Variants in CXADR observed in about 807,000 individuals in gnomAD.
CXADR encodes coxsackievirus and adenovirus receptor.
Under a neutral mutation model 40.3 loss-of-function variants are expected in CXADR, and 20 were observed. That is an observed-to-expected ratio of 0.50 (90% CI 0.35 to 0.72). The LOEUF (loss-of-function observed/expected upper bound fraction) is 0.72, where lower values mean the gene tolerates loss of function less well. CXADR is among the 30% of genes least tolerant of loss of function. CXADR has a pLI of 0.01. For synonymous variants in CXADR, 150 were observed against 161.3 expected (o/e 0.93, Z 0.53); for missense variants, 332 against 449.1 (o/e 0.74, Z 2.36).
downstream of CXADR, among the ~76,000 whole-genome samples, chr21:17,572,384 G>GA (rs71333563): frequency 2.4e-3 from 361 of 149,660 alleles, 2 homozygotes; most frequent in African/African-American, 5.8e-3. Context: ...AAAAAAAAAA[G>GA]GGGCAGTATC....
intron 1 of CXADR, among the ~76,000 whole-genome samples, chr21:17,534,019 T>TATATATAGCTATAGATATATATATACAC (rs1356079376): frequency 1.2e-5 from 1 of 81,400 alleles, no homozygotes; most frequent in Admixed American, 1.9e-4. Flanking sequence ...TATATATATA[T>TATATATAGCTATAGATATATATATACAC]ATATATATAG....
chr21:17,521,178 A>C (rs762013371), intron 1 of CXADR, among the ~76,000 whole-genome samples: 2 of 152,196 alleles, frequency 1.3e-5, no homozygotes, highest in Non-Finnish European at 2.9e-5. Flanking sequence ...TAGGGGATAT[A>C]GGAGACCTAG....
the CXADR span, among the ~76,000 whole-genome samples, chr21:17,626,682 C>T: frequency 8.5e-5 from 13 of 152,152 alleles, no homozygotes; most frequent in African/African-American, 1.7e-4. Flanking sequence ...AGACAATCAG[C>T]GCACTTGAGT....
Position 17,518,839 on chromosome 21 carries a change from C to T in CXADR, c.43+5667C>T, listed in dbSNP as rs959222992. On this transcript the variant is annotated intron_variant, in intron 1 of 6. Coordinates refer to ENST00000284878, the MANE Select transcript of CXADR (RefSeq NM_001338.5). ...TTTAATCATGTTCATCTCTTCAATACCAACTATATTATTCACAGCCAGTTT... is the reference window on the plus strand; with the variant it reads ...TTTAATCATGTTCATCTCTTCAATATCAACTATATTATTCACAGCCAGTTT... 6 of 1,561,482 alleles carry T rather than the reference C, an allele frequency of 3.8e-6. No homozygotes were observed. The African/African-American group carries it at 8.1e-5, about 21-fold the overall frequency.
intron 7 of CXADR, among the ~76,000 whole-genome samples, chr21:17,586,023 G>T (rs1397236292): frequency 6.6e-6 from 1 of 152,086 alleles, no homozygotes; most frequent in Non-Finnish European, 1.5e-5. Flanking sequence ...TATTCTTTGC[G>T]AATATAGTAT....
At chr21:17,515,638 C>G (rs1349448250) in intron 1 of CXADR, among the ~76,000 whole-genome samples, 2 of 152,000 alleles carry the variant, frequency 1.3e-5, no homozygotes, top group Admixed American at 1.3e-4. Flanking sequence ...GGTGAAACCC[C>G]GTCCCTACTA....
chr21:17,513,059 G>A lies in CXADR; in HGVS notation c.-71G>A, dbSNP rs932293894. 3.1e-6 allele frequency: 4 copies of A among 1,298,858 alleles called. No individual in the cohort carries two copies. Among genetic ancestry groups the A allele is most frequent in the Non-Finnish European group, 3.9e-6 (4 of 1,013,642 alleles). 80.5% of individuals were successfully genotyped at this position (1,298,858 alleles called of 1,614,324 possible). ...CCGCGAGCCAGTCGGGAGCGCGCGA[G>A]GCGCGGGGAGCCTGGGACCAGGAGC... On this transcript the variant is annotated 5_prime_UTR_variant, in exon 1 of 7. Coordinates refer to ENST00000284878, the MANE Select transcript of CXADR (RefSeq NM_001338.5).
At chr21:17,527,974 T>A (rs1360207358) in intron 1 of CXADR, among the ~76,000 whole-genome samples, 2 of 151,672 alleles carry the variant, frequency 1.3e-5, no homozygotes, top group Admixed American at 1.3e-4. Flanking sequence ...TTTTCTAACA[T>A]CCTTACACCA....
the CXADR span, among the ~76,000 whole-genome samples, chr21:17,628,426 A>G: frequency 2.0e-5 from 3 of 152,102 alleles, no homozygotes; most frequent in Non-Finnish European, 2.9e-5. Context: ...TTCCAGTCCC[A>G]TTGCCGGCGG....
chr21:17,593,309 A>AC, exon 8 of CXADR: 1 of 939,974 alleles, frequency 1.1e-6, no homozygotes, highest in Non-Finnish European at 1.4e-6. Flanking sequence ...GAGCAGCTGT[A>AC]AGAACACATC....
rs369513554 is a variant in CXADR, at chr21:17,554,116, C to T, written c.415+2163C>T. Among the ~76,000 whole-genome samples the T allele has an allele frequency of 2.5e-4, 38 of 152,330 alleles. No individual in the cohort carries two copies. The East Asian group carries it at 5.4e-3, about 22-fold the overall frequency. ...AAACCCCTGTTTGATGGGACAGTTA[C>T]ACTGGGATTAATGGGGTTGGCACAT... On this transcript the variant is annotated intron_variant, in intron 3 of 6. Coordinates refer to ENST00000284878, the MANE Select transcript of CXADR (RefSeq NM_001338.5).
chr21:17,572,705 CGTT>C (rs1365993171), downstream of CXADR, among the ~76,000 whole-genome samples: 4 of 151,808 alleles, frequency 2.6e-5, no homozygotes, highest in East Asian at 1.9e-4. Context: ...CACTAACTAA[CGTT>C]GTTTTTTTTC....
At chr21:17,556,093 G>T (rs1458650806) in intron 3 of CXADR, among the ~76,000 whole-genome samples, 2 of 152,228 alleles carry the variant, frequency 1.3e-5, no homozygotes, top group African/African-American at 4.8e-5. Context: ...AAGGACTGTT[G>T]TTTGTGTTAG....
chr21:17,577,848 T>C (rs2061333396), intron 7 of CXADR, among the ~76,000 whole-genome samples: 2 of 152,044 alleles, frequency 1.3e-5, no homozygotes, highest in African/African-American at 4.8e-5. Flanking sequence ...TCTCCTACTC[T>C]CTGCTTTCTA....
chr21:17,541,118 T>A (rs1212495559), intron 1 of CXADR, among the ~76,000 whole-genome samples: 1 of 152,118 alleles, frequency 6.6e-6, no homozygotes, highest in African/African-American at 2.4e-5. Context: ...GATGAACCCG[T>A]ATTGACATAA....
At chr21:17,600,962 G>A in the CXADR span, among the ~76,000 whole-genome samples, 1 of 152,176 alleles carries the variant, frequency 6.6e-6, no homozygotes. Context: ...AGGCGTTCGA[G>A]GCCAGCCTGG....
chr21:17,550,419 A>G (rs983448831), intron 2 of CXADR, among the ~76,000 whole-genome samples: 2 of 151,978 alleles, frequency 1.3e-5, no homozygotes, highest in African/African-American at 4.8e-5. Context: ...GAGATAATAC[A>G]GAAGAGAACC....
In CXADR at chr21:17,521,782, AAG is replaced by A. The variant is rs2123119274; in HGVS notation, c.43+8612_43+8613del. The stretch of plus-strand genomic sequence containing the variant: ...GGGAGAAGGTAGAAGCCAGCAGATA[AAG>A]ACTCTTTTAACTTCCCTCCATCTAG... On this transcript the variant is annotated intron_variant, in intron 1 of 6. Transcript: ENST00000284878. Among the ~76,000 whole-genome samples, 2 of 152,288 alleles carry A rather than the reference AAG, an allele frequency of 1.3e-5. 1 individual carries two copies. The highest frequency in any genetic ancestry group is 1.3e-4 in the Admixed American group (2 of 15,304).
downstream of CXADR, chr21:17,593,951 C>G (rs2061468991): frequency 2.9e-6 from 3 of 1,020,556 alleles, no homozygotes; most frequent in South Asian, 2.0e-5. Flanking sequence ...AAAGATTATT[C>G]TCAATAACTT....
Sources: gnomAD v4.1 joint callset for allele counts (sites outside exome capture counted in the v4.1 genomes callset) on GRCh38, gnomAD v4.1.1 for gene constraint, MANE v1.5 for transcripts, NCBI Gene and HGNC (gene_info 2026-07-23, HGNC 2026-07-21) for gene names.